Variants in PNOC observed in about 807,000 individuals in gnomAD.
PNOC encodes the protein nociceptin.
In PNOC, 10 loss-of-function variants were observed where a neutral mutation model predicts 15.6. That is an observed-to-expected ratio of 0.64 (90% CI 0.40 to 1.09). PNOC has a LOEUF of 1.09. Among genes scored for constraint, PNOC ranks in the 50% least tolerant of loss-of-function variants. The pLI is 0.01. For missense variants in PNOC, 220 were observed against 223.9 expected, an observed-to-expected ratio of 0.98 and a Z score of 0.11; for synonymous variants, 98 against 88.5, an observed-to-expected ratio of 1.11 and a Z score of -0.60.
intron 1 of PNOC, 35 bp from the exon 2 acceptor site, chr8:28,329,100 G>A: frequency 6.2e-7 from 1 of 1,606,428 alleles, no homozygotes; most frequent in South Asian, 1.1e-5. Context: ...TCCGAGAATG[G>A]CTGTACTCAT....
Position 28,342,982 on chromosome 8 carries a change from G to A in PNOC, c.*88G>A. 1.0e-6 allele frequency: 1 copy of A among 985,406 alleles called. No homozygotes were observed. The highest frequency in any genetic ancestry group is 1.2e-6 in the Non-Finnish European group (1 of 829,916). The allele number at this position is 985,406 out of a possible 1,614,324, so 61.0% of individuals were successfully genotyped here. The stretch of plus-strand genomic sequence containing the variant: ...CCCAAACAGCATGTGCTCAGCCCCA[G>A]ACCTGCCGCCTGGGAATCAGGATTC... On this transcript the variant is annotated 3_prime_UTR_variant, in exon 4 of 4. Coordinates refer to ENST00000301908, the MANE Select transcript of PNOC (RefSeq NM_006228.5).
chr8:28,330,214 G>A (rs1031966323), intron 2 of PNOC, among the ~76,000 whole-genome samples: 18 of 151,904 alleles, frequency 1.2e-4, no homozygotes, highest in African/African-American at 4.1e-4. Flanking sequence ...CCAAAGTGCT[G>A]GGATTACAGG....
chr8:28,331,671 C>G (rs989314318), intron 2 of PNOC, among the ~76,000 whole-genome samples: 2 of 152,224 alleles, frequency 1.3e-5, no homozygotes, highest in African/African-American at 2.4e-5. Context: ...CCTCCTCCCC[C>G]ATCCATAAAT....
chr8:28,324,364 A>G (rs1247684185), intron 1 of PNOC, among the ~76,000 whole-genome samples: 1 of 152,228 alleles, frequency 6.6e-6, no homozygotes, highest in African/African-American at 2.4e-5. Context: ...TTTTGCTAAC[A>G]TCTGTCACAG....
intron 1 of PNOC, among the ~76,000 whole-genome samples, chr8:28,320,819 C>G (rs1385048413): frequency 2.0e-5 from 3 of 150,488 alleles, no homozygotes; most frequent in Admixed American, 6.6e-5. Context: ...CCACTGCACT[C>G]CTGCCTGGGT....
At chr8:28,327,628 G>A (rs2722905) in intron 1 of PNOC, among the ~76,000 whole-genome samples, 47,926 of 149,158 alleles carry the variant, frequency 0.32, 9,578 homozygotes, top group Non-Finnish European at 0.45. Flanking sequence ...GTGCAGTGGC[G>A]TGATCTTGGA....
At chr8:28,322,680 T>C (rs1801169507) in intron 1 of PNOC, among the ~76,000 whole-genome samples, 1 of 152,228 alleles carries the variant, frequency 6.6e-6, no homozygotes, top group African/African-American at 2.4e-5. Flanking sequence ...ATGATTGCTA[T>C]GAAATGCAAA....
intron 1 of PNOC, 108 bp from the exon 2 acceptor site, chr8:28,329,027 A>G (rs1266619477): frequency 2.7e-6 from 3 of 1,125,894 alleles, no homozygotes; most frequent in Non-Finnish European, 2.6e-6. Flanking sequence ...CCATCCTGCC[A>G]GAGACAGCAG....
intron 1 of PNOC, among the ~76,000 whole-genome samples, chr8:28,320,605 C>T (rs556493838): frequency 6.6e-6 from 1 of 152,190 alleles, no homozygotes; most frequent in East Asian, 1.9e-4. Flanking sequence ...AATCCCAGCA[C>T]TTTGGGAGGC....
At chr8:28,330,386 A>ATTTTTTT (rs1365236960) in intron 2 of PNOC, among the ~76,000 whole-genome samples, 3 of 59,788 alleles carry the variant, frequency 5.0e-5, no homozygotes, top group African/African-American at 8.8e-5. Flanking sequence ...ATTTTATTTT[A>ATTTTTTT]TTTTATTTTA....
At chr8:28,330,402 T>TTTATTTTATTTTATTTTATTTTA in intron 2 of PNOC, among the ~76,000 whole-genome samples, 1 of 131,688 alleles carries the variant, frequency 7.6e-6, no homozygotes, top group African/African-American at 2.7e-5. Context: ...TTTTATTTTT[T>TTTATTTTATTTTATTTTATTTTA]TTTTTTTTTT....
At chr8:28,342,496 C>A (rs1325350179) in intron 3 of PNOC, among the ~76,000 whole-genome samples, 1 of 152,180 alleles carries the variant, frequency 6.6e-6, no homozygotes, top group Non-Finnish European at 1.5e-5. Flanking sequence ...TCCCCTGACC[C>A]TATACTACCT....
At chr8:28,331,807 ACTCT>A (rs1234362084) in intron 2 of PNOC, among the ~76,000 whole-genome samples, 1 of 151,328 alleles carries the variant, frequency 6.6e-6, no homozygotes, top group African/African-American at 2.4e-5. Flanking sequence ...TATCTGCAGG[ACTCT>A]CTCTCCCCAT....
At chr8:28,342,405 C>CGTGT (rs1801537503) in intron 3 of PNOC, among the ~76,000 whole-genome samples, 1 of 151,070 alleles carries the variant, frequency 6.6e-6, no homozygotes, top group African/African-American at 2.4e-5. Flanking sequence ...GTAATGATGT[C>CGTGT]CTAGGAAGGA....
intron 2 of PNOC, among the ~76,000 whole-genome samples, chr8:28,333,920 T>C (rs983743751): frequency 1.3e-5 from 2 of 152,174 alleles, no homozygotes; most frequent in Admixed American, 6.5e-5. Flanking sequence ...TGCATCCCTG[T>C]TGACTTTGTA....
At chr8:28,330,269 C>T (rs1372424695) in intron 2 of PNOC, among the ~76,000 whole-genome samples, 1 of 151,746 alleles carries the variant, frequency 6.6e-6, no homozygotes, top group Non-Finnish European at 1.5e-5. Flanking sequence ...ATATAAGGGA[C>T]TTGAGCATCT....
intron 1 of PNOC, among the ~76,000 whole-genome samples, chr8:28,327,715 C>T (rs1291230846): frequency 1.3e-5 from 2 of 152,016 alleles, no homozygotes; most frequent in African/African-American, 4.8e-5. Flanking sequence ...GGGGTTTCAC[C>T]ATGTTGGCCA....
At position 28,342,400 on chromosome 8, in the gene PNOC, G is replaced by T. The variant is rs150751637; in HGVS notation, c.*48-542G>T. Reference sequence around the variant, plus strand: ...AAGAACACTATTCAGAAAGTGTAATGATGTCCTAGGAAGGAAAGGTGTTGG... The same window carrying T: ...AAGAACACTATTCAGAAAGTGTAATTATGTCCTAGGAAGGAAAGGTGTTGG... On this transcript the variant is annotated intron_variant, in intron 3 of 3. Coordinates refer to ENST00000301908, the MANE Select transcript of PNOC (RefSeq NM_006228.5). Among the ~76,000 whole-genome samples the T allele has an allele frequency of 1.1e-4, 17 of 149,922 alleles. No individual in the cohort carries two copies. In the East Asian group the frequency reaches 3.3e-3, roughly 29 times the overall value.
intron 3 of PNOC, among the ~76,000 whole-genome samples, chr8:28,342,374 A>G (rs915724821): frequency 8.7e-5 from 13 of 148,720 alleles, no homozygotes; most frequent in Non-Finnish European, 1.3e-4. Flanking sequence ...AAAAAAAAAA[A>G]AAGAACACTA....
Sources: gnomAD v4.1 joint callset for allele counts (sites outside exome capture counted in the v4.1 genomes callset) on GRCh38, gnomAD v4.1.1 for gene constraint, MANE v1.5 for transcripts, NCBI Gene and HGNC (gene_info 2026-07-23, HGNC 2026-07-21) for gene names.